Variants in CPA6 observed in about 807,000 individuals in gnomAD.
CPA6 encodes the protein carboxypeptidase B.
A neutral mutation model predicts 63.3 loss-of-function variants in CPA6; 58 were observed. That is an observed-to-expected ratio of 0.92 (90% CI 0.74 to 1.14). CPA6 has a LOEUF of 1.14. Ranked by LOEUF, CPA6 falls within the 50% of genes most tolerant of loss-of-function variation. The probability of loss-of-function intolerance (pLI) is 0.00; values close to 1 mark genes in which losing one functional copy is unlikely to be tolerated. For synonymous variants in CPA6, 185 were observed against 179.0 expected (o/e 1.03, Z -0.27); for missense variants, 565 against 526.6 (o/e 1.07, Z -0.71).
rs145523783 is a variant in CPA6 at position 67,693,746 on chromosome 8, C to A, written c.116+52268G>T. Among the ~76,000 whole-genome samples, 270 of 152,300 alleles carry A rather than the reference C, an allele frequency of 1.8e-3. 2 individuals are homozygous for A. Among genetic ancestry groups the A allele is most frequent in the African/African-American group, 6.0e-3 (250 of 41,566 alleles). On this transcript the variant is annotated intron_variant, in intron 1 of 10. Coordinates refer to ENST00000297770, the MANE Select transcript of CPA6 (RefSeq NM_020361.5). ...GGCCCTTTCTTCTCATACTTTCCAG[C>A]CTCCAGAACTGTGAGAGTTAGAGTT...
chr8:67,454,713 T>C (rs151180788), intron 8 of CPA6, among the ~76,000 whole-genome samples: 1 of 152,040 alleles, frequency 6.6e-6, no homozygotes, highest in African/African-American at 2.4e-5. Flanking sequence ...CAGTGCAGAG[T>C]GGAGAGGAAA....
chr8:67,741,083 C>G (rs909458619), intron 1 of CPA6, among the ~76,000 whole-genome samples: 1 of 152,068 alleles, frequency 6.6e-6, no homozygotes, highest in Non-Finnish European at 1.5e-5. Context: ...AAAGGATATG[C>G]CATTCATCAA....
chr8:67,446,142 T>C (rs1462324075), intron 8 of CPA6, among the ~76,000 whole-genome samples: 1 of 151,874 alleles, frequency 6.6e-6, no homozygotes, highest in African/African-American at 2.4e-5. Context: ...GGCAGGCTCC[T>C]GTAGTCCCAG....
intron 9 of CPA6, among the ~76,000 whole-genome samples, chr8:67,433,379 C>A (rs1021730005): frequency 2.0e-5 from 3 of 152,074 alleles, no homozygotes; most frequent in African/African-American, 7.2e-5. Flanking sequence ...ATGACTGATG[C>A]CCTATAGTGA....
intron 6 of CPA6, among the ~76,000 whole-genome samples, chr8:67,493,069 T>A (rs1448233461): frequency 6.6e-6 from 1 of 152,172 alleles, no homozygotes; most frequent in Admixed American, 6.5e-5. Context: ...TTTCATATGA[T>A]GAGCTGTTTT....
chr8:67,696,115 A>T (rs1268026791), intron 1 of CPA6, among the ~76,000 whole-genome samples: 5 of 152,174 alleles, frequency 3.3e-5, no homozygotes, highest in African/African-American at 1.2e-4. Context: ...AAATTGGACT[A>T]CTGTTCCACA....
At chr8:67,500,331 T>C (rs895528292) in intron 6 of CPA6, among the ~76,000 whole-genome samples, 1 of 152,188 alleles carries the variant, frequency 6.6e-6, no homozygotes, top group Non-Finnish European at 1.5e-5. Context: ...CATCTGTATA[T>C]ATACACTTTG....
intron 2 of CPA6, among the ~76,000 whole-genome samples, chr8:67,583,444 G>C (rs912944964): frequency 1.4e-5 from 2 of 142,152 alleles, no homozygotes; most frequent in East Asian, 4.1e-4. Context: ...GGGTCTAGTA[G>C]AAGTGTGGCT....
chr8:67,489,918 T>C (rs1811568486), intron 6 of CPA6, among the ~76,000 whole-genome samples: 1 of 152,210 alleles, frequency 6.6e-6, no homozygotes, highest in South Asian at 2.1e-4. Flanking sequence ...TGTTCTCTAG[T>C]ATTCTATTCT....
intron 2 of CPA6, among the ~76,000 whole-genome samples, chr8:67,610,401 A>C (rs1319303607): frequency 2.6e-5 from 4 of 152,142 alleles, no homozygotes; most frequent in Non-Finnish European, 4.4e-5. Context: ...GAGAGAAAAA[A>C]AATACCATAC....
At chr8:67,639,499 C>T (rs1210106369) in intron 1 of CPA6, among the ~76,000 whole-genome samples, 1 of 151,576 alleles carries the variant, frequency 6.6e-6, no homozygotes, top group Non-Finnish European at 1.5e-5. Flanking sequence ...GCACCAGCTC[C>T]CTACAAGGCT....
chr8:67,458,805 A>G (rs1810735099), intron 8 of CPA6, among the ~76,000 whole-genome samples: 1 of 152,258 alleles, frequency 6.6e-6, no homozygotes, highest in Non-Finnish European at 1.5e-5. Flanking sequence ...GATGCCCCAC[A>G]TCATATGTCA....
intron 8 of CPA6, among the ~76,000 whole-genome samples, chr8:67,481,030 G>A (rs1324550161): frequency 6.6e-6 from 1 of 152,118 alleles, no homozygotes; most frequent in Admixed American, 6.5e-5. Context: ...TGTTTTTATT[G>A]TTGAGAGAAT....
chr8:67,564,131 A>C (rs1388559782), intron 2 of CPA6, among the ~76,000 whole-genome samples: 1 of 152,192 alleles, frequency 6.6e-6, no homozygotes, highest in Non-Finnish European at 1.5e-5. Flanking sequence ...TTAGCATTGC[A>C]AAAATGACAT....
intron 8 of CPA6, among the ~76,000 whole-genome samples, chr8:67,454,553 A>G (rs1284103608): frequency 6.6e-6 from 1 of 152,226 alleles, no homozygotes; most frequent in Non-Finnish European, 1.5e-5. Context: ...CATCAAACTC[A>G]TCATTCTTAA....
At chr8:67,508,515 G>T (rs1452774652) in intron 5 of CPA6, among the ~76,000 whole-genome samples, 1 of 152,130 alleles carries the variant, frequency 6.6e-6, no homozygotes, top group Non-Finnish European at 1.5e-5. Flanking sequence ...GAGAGTGTCT[G>T]TGGTATGAAA....
At chr8:67,564,212 G>A (rs930772588) in intron 2 of CPA6, among the ~76,000 whole-genome samples, 1 of 152,124 alleles carries the variant, frequency 6.6e-6, no homozygotes, top group African/African-American at 2.4e-5. Flanking sequence ...AAAGCACTAG[G>A]CAACTGGTCT....
At chr8:67,636,523 A>G (rs1379903205) in intron 1 of CPA6, among the ~76,000 whole-genome samples, 2 of 151,482 alleles carry the variant, frequency 1.3e-5, no homozygotes, top group African/African-American at 2.5e-5. Context: ...GAGAATATAC[A>G]TATTGGCACT....
chr8:67,572,524 G>A (rs1038954807), intron 2 of CPA6, among the ~76,000 whole-genome samples: 1 of 152,280 alleles, frequency 6.6e-6, no homozygotes, highest in Non-Finnish European at 1.5e-5. Flanking sequence ...GCCCTCTCTA[G>A]AGGTCAGGGC....
Sources: allele counts gnomAD v4.1 joint callset (sites outside exome capture counted in the v4.1 genomes callset), GRCh38; gene constraint gnomAD v4.1.1; transcripts MANE v1.5; gene names NCBI Gene and HGNC (gene_info 2026-07-23, HGNC 2026-07-21).